The following FOXJ1 variants were observed in gnomAD, a reference collection of about 807,000 sequenced individuals.
FOXJ1 encodes forkhead box J1, also known as forkhead box protein J1.
Under a neutral mutation model 29.3 loss-of-function variants are expected in FOXJ1, and 8 were observed. The ratio of observed to expected loss-of-function variants is 0.27; its 90% CI spans 0.16 to 0.49. FOXJ1 has a LOEUF of 0.49. Among genes scored for constraint, FOXJ1 ranks in the 20% least tolerant of loss-of-function variants. The probability of loss-of-function intolerance (pLI) is 0.98; values close to 1 mark genes in which losing one functional copy is unlikely to be tolerated. For synonymous variants in FOXJ1, 280 were observed against 278.7 expected (o/e 1.00, Z -0.05); for missense variants, 539 against 595.5 (o/e 0.91, Z 0.99).
At chr17:76,138,774 G>T (rs896618068) in intron 2 of FOXJ1, among the ~76,000 whole-genome samples, 1 of 152,186 alleles carries the variant, frequency 6.6e-6, no homozygotes, top group Non-Finnish European at 1.5e-5. Context: ...CAGCTGCACA[G>T]GCTTAGGGTA....
intron 2 of FOXJ1, 70 bp from the exon 3 acceptor site, chr17:76,138,190 C>T (rs960936012): frequency 6.6e-7 from 1 of 1,518,428 alleles, no homozygotes; most frequent in East Asian, 2.3e-5. Flanking sequence ...TGAAATGGCA[C>T]CTGGCGCTGC....
chr17:76,137,487 C>T lies in FOXJ1; in HGVS notation c.1132G>A (p.Ala378Thr), dbSNP rs1412334083. ...DSLDFDETFL[A>T]TSFLQHPWDE... The stretch of plus-strand genomic sequence containing the variant: ...CAGGGGTGCTGCAGGAAGGATGTGG[C>T]CAGGAAGGTCTCATCGAAGTCCAGG... The change falls in exon 3 of 3, where the codon GCC (alanine) becomes ACC (threonine). Residue 378 changes from alanine to threonine, a missense_variant. Physicochemically the swap from Ala to Thr is moderately conservative, Grantham distance 58. Coordinates refer to ENST00000322957, the MANE Select transcript of FOXJ1 (RefSeq NM_001454.4). The surrounding 1 kb of genome is among the most constrained non-coding windows in gnomAD (Gnocchi z 9.5). The T allele has an allele frequency of 6.3e-7, 1 of 1,578,694 alleles. No homozygotes were observed. The highest frequency in any genetic ancestry group is 1.8e-5 in the Admixed American group (1 of 55,054).
rs756231462 is a variant in FOXJ1, at chr17:76,137,911, G to C, written c.708C>G (p.Pro236=). The change falls in exon 3 of 3, where the codon CCC becomes CCG. Residue 236 remains proline (P), a synonymous_variant. Transcript: ENST00000322957. This position sits in a 1 kb window ranked among gnomAD's most constrained non-coding sequence, Gnocchi z 9.5. Reference sequence around the variant, plus strand: ...TATTCACCGTCAGCGGCCCGGCCCGGGGGACAGCGCTGGGCTCCTGCGCGG... The same window carrying C: ...TATTCACCGTCAGCGGCCCGGCCCGCGGGACAGCGCTGGGCTCCTGCGCGG... ...RQAAQEPSAV[P]RAGPLTVNTE... is the part of the protein sequence containing the mutation. 6.4e-7 allele frequency: 1 copy of C among 1,566,130 alleles called. No individual in the cohort carries two copies. The highest frequency in any genetic ancestry group is 1.9e-5 in the Admixed American group (1 of 53,290).
At chr17:76,138,567 A>G (rs2068494969) in intron 2 of FOXJ1, among the ~76,000 whole-genome samples, 1 of 151,472 alleles carries the variant, frequency 6.6e-6, no homozygotes, top group African/African-American at 2.4e-5. Flanking sequence ...GAGAGTGGAG[A>G]GGAAGGGGGA....
intron 2 of FOXJ1, among the ~76,000 whole-genome samples, chr17:76,138,486 C>G (rs567486701): frequency 6.6e-6 from 1 of 152,266 alleles, no homozygotes; most frequent in Admixed American, 6.5e-5. Context: ...CCTGGACCAC[C>G]GTCTCCCTTT....
rs1265490979 is a variant in FOXJ1 at position 76,139,234 on chromosome 17, C to T, written c.498+664G>A. Among the ~76,000 whole-genome samples the T allele has an allele frequency of 6.6e-6, 1 of 152,150 alleles. No individual in the cohort carries two copies. The highest frequency in any genetic ancestry group is 1.5e-5 in the Non-Finnish European group (1 of 68,028). ...GAGCCCCAGTGGAAGGCACCTGGCT[C>T]AGGTAATTGTCCCCCCAGGGAGGTT... On this transcript the variant is annotated intron_variant, in intron 2 of 2. Transcript: ENST00000322957. This position sits in a 1 kb window ranked among gnomAD's most constrained non-coding sequence, Gnocchi z 6.6.
rs1034347920 is a variant in FOXJ1, at chr17:76,139,280, G to C, written c.498+618C>G. Among the ~76,000 whole-genome samples, 1 of 152,034 alleles carries C rather than the reference G, an allele frequency of 6.6e-6. No individual in the cohort carries two copies. Among genetic ancestry groups the C allele is most frequent in the African/African-American group, 2.4e-5 (1 of 41,272 alleles). ...AGGTTGGCTGACAGCGGGGGTTGGAGGCAGGAAACTGAGCAGAGGTTGAGG... is the reference window on the plus strand; with the variant it reads ...AGGTTGGCTGACAGCGGGGGTTGGACGCAGGAAACTGAGCAGAGGTTGAGG... On this transcript the variant is annotated intron_variant, in intron 2 of 2. Coordinates refer to ENST00000322957, the MANE Select transcript of FOXJ1 (RefSeq NM_001454.4). The surrounding 1 kb of genome is among the most constrained non-coding windows in gnomAD (Gnocchi z 6.6).
rs976943264 is a variant in FOXJ1 at position 76,139,434 on chromosome 17, G to A, written c.498+464C>T. Reference sequence around the variant, plus strand: ...TCCCCAAGCCAACTGCAAAAGGGCAGGACGTAGAGCCTGGCAGGGAGGCCA... The same window carrying A: ...TCCCCAAGCCAACTGCAAAAGGGCAAGACGTAGAGCCTGGCAGGGAGGCCA... On this transcript the variant is annotated intron_variant, in intron 2 of 2. Coordinates refer to ENST00000322957, the MANE Select transcript of FOXJ1 (RefSeq NM_001454.4). The surrounding 1 kb of genome is among the most constrained non-coding windows in gnomAD (Gnocchi z 6.6). 6.6e-5 allele frequency among the ~76,000 whole-genome samples: 10 copies of A among 152,232 alleles called. No homozygotes were observed. The highest frequency in any genetic ancestry group is 2.2e-4 in the African/African-American group (9 of 41,456).
rs756449392 is a variant in FOXJ1 at position 76,138,131 on chromosome 17, GGAGAGAGCAAGA to G, written c.499-23_499-12del. On this transcript the variant is annotated splice_polypyrimidine_tract_variant and intron_variant, in intron 2 of 2. Coordinates refer to ENST00000322957, the MANE Select transcript of FOXJ1 (RefSeq NM_001454.4). Reference sequence around the variant, plus strand: ...GTGGCGGATTGAATTCTGGGTGCAGGGAGAGAGCAAGAGAGAGAGGAACCGCTAGGTCAGTGG... The same window carrying G: ...GTGGCGGATTGAATTCTGGGTGCAGGGAGAGAGGAACCGCTAGGTCAGTGG... 3.1e-6 allele frequency: 5 copies of G among 1,613,308 alleles called. No individual in the cohort carries two copies. The highest frequency in any genetic ancestry group is 1.7e-4 in the Middle Eastern group (1 of 6,060).
Position 76,139,180 on chromosome 17 carries a change from C to T in FOXJ1, c.498+718G>A, listed in dbSNP as rs2068499395. ...GCTGCTCAGTGCCTGGTTCCAGAGA[C>T]GTGGAACACGAAGTGAGTGTGGTAG... On this transcript the variant is annotated intron_variant, in intron 2 of 2. Transcript: ENST00000322957. The surrounding 1 kb of genome is among the most constrained non-coding windows in gnomAD (Gnocchi z 6.6). 6.6e-6 allele frequency among the ~76,000 whole-genome samples: 1 copy of T among 152,122 alleles called. No individual in the cohort carries two copies. The highest frequency in any genetic ancestry group is 1.5e-5 in the Non-Finnish European group (1 of 68,018).
Position 76,139,950 on chromosome 17 carries a change from T to C in FOXJ1, c.446A>G (p.Lys149Arg). 1.9e-6 allele frequency: 3 copies of C among 1,612,688 alleles called. No individual in the cohort carries two copies. The highest frequency in any genetic ancestry group is 1.1e-5 in the South Asian group (1 of 90,852). The change falls in exon 2 of 3, where the codon AAG becomes AGG. Residue 149 changes from lysine (K) to arginine (R), a missense_variant. Around this residue, in one of 3 missense-constraint regions of FOXJ1, gnomAD observed 178 missense variants for 254.4 expected, o/e 0.70. Transcript: ENST00000322957. This position sits in a 1 kb window ranked among gnomAD's most constrained non-coding sequence, Gnocchi z 6.6. ...ATKITLSAIY[K>R]WITDNFCYFR... The stretch of plus-strand genomic sequence containing the variant: ...GTAGCAGAAGTTGTCCGTGATCCAC[T>C]TGTAGATGGCCGACAGGGTGATCTT...
chr17:76,136,656 C>T lies in FOXJ1; in HGVS notation c.*697G>A, dbSNP rs542979707. 1 of 152,744 alleles carries T rather than the reference C, an allele frequency of 6.5e-6. No homozygotes were observed. The highest frequency in any genetic ancestry group is 2.1e-4 in the South Asian group (1 of 4,826). The allele number at this position is 152,744 out of a possible 1,614,324, so 9.5% of individuals were successfully genotyped here. ...CAAACCACCAAACCCAAACTTCCAG[C>T]TGCTCTCAGCCTCAAGTCGGGCTTA... On this transcript the variant is annotated 3_prime_UTR_variant, in exon 3 of 3. Coordinates refer to ENST00000322957, the MANE Select transcript of FOXJ1 (RefSeq NM_001454.4). This position sits in a 1 kb window ranked among gnomAD's most constrained non-coding sequence, Gnocchi z 4.9.
rs1324224934 is a variant in FOXJ1 at position 76,137,003 on chromosome 17, A to T, written c.*350T>A. On this transcript the variant is annotated 3_prime_UTR_variant, in exon 3 of 3. Coordinates refer to ENST00000322957, the MANE Select transcript of FOXJ1 (RefSeq NM_001454.4). The surrounding 1 kb of genome is among the most constrained non-coding windows in gnomAD (Gnocchi z 9.5). ...AAGCGGAGGTGCTCTGGGAGGGCCC[A>T]GTTCTGTTCCTCCCCAGCCTGACCC... 4.3e-6 allele frequency: 1 copy of T among 229,956 alleles called. No homozygotes were observed. The highest frequency in any genetic ancestry group is 8.5e-5 in the East Asian group (1 of 11,820). The allele number at this position is 229,956 out of a possible 1,614,324, so 14.2% of individuals were successfully genotyped here. A position where few individuals can be genotyped will look rare whatever the true frequency, so the allele number is the denominator to read the frequency against.
chr17:76,137,901 G>C lies in FOXJ1; in HGVS notation c.718C>G (p.Pro240Ala), dbSNP rs761625845. The change falls in exon 3 of 3, where the codon CCG (proline) becomes GCG (alanine). Residue 240 changes from proline (P) to alanine (A), a missense_variant. Pro to Ala is a conservative substitution (Grantham distance 27). Transcript: ENST00000322957. This position sits in a 1 kb window ranked among gnomAD's most constrained non-coding sequence, Gnocchi z 9.5. ...TGGGCCTCGGTATTCACCGTCAGCG[G>C]CCCGGCCCGGGGGACAGCGCTGGGC... ...QEPSAVPRAG[P>A]LTVNTEAQQL... 1.3e-6 allele frequency: 2 copies of C among 1,565,974 alleles called. No homozygotes were observed. The highest frequency in any genetic ancestry group is 3.7e-5 in the Admixed American group (2 of 53,774).
Position 76,140,039 on chromosome 17 carries a change from G to A in FOXJ1, c.357C>T (p.His119=), listed in dbSNP as rs570736460. 6.2e-7 allele frequency: 1 copy of A among 1,611,640 alleles called. No homozygotes were observed. The highest frequency in any genetic ancestry group is 8.5e-7 in the Non-Finnish European group (1 of 1,179,946). ...PDDVDYATNP[H]VKPPYSYATL... ...TGGCATACGAGTAGGGAGGCTTCACGTGCGGATTGGTGGCGTAGTCCACGT... is the reference window on the plus strand; with the variant it reads ...TGGCATACGAGTAGGGAGGCTTCACATGCGGATTGGTGGCGTAGTCCACGT... Residue 119 remains histidine, a synonymous_variant, in exon 2 of 3, where the codon CAC becomes CAT. Coordinates refer to ENST00000322957, the MANE Select transcript of FOXJ1 (RefSeq NM_001454.4). The surrounding 1 kb of genome is among the most constrained non-coding windows in gnomAD (Gnocchi z 8.0).
chr17:76,140,070 G>A lies in FOXJ1; in HGVS notation c.326C>T (p.Pro109Leu), dbSNP rs745334236. 1.2e-6 allele frequency: 2 copies of A among 1,607,440 alleles called. No individual in the cohort carries two copies. Among genetic ancestry groups the A allele is most frequent in the East Asian group, 2.2e-5 (1 of 44,838 alleles). ...SAPPGLQAPP[P>L]DDVDYATNPH... ...ATTGGTGGCGTAGTCCACGTCGTCGGGGGGTGGGGCCTGCAGCCCCGGGGG... is the reference window on the plus strand; with the variant it reads ...ATTGGTGGCGTAGTCCACGTCGTCGAGGGGTGGGGCCTGCAGCCCCGGGGG... The change falls in exon 2 of 3, where the codon CCC becomes CTC. Residue 109 changes from proline (P) to leucine (L), a missense_variant. Physicochemically the swap from Pro to Leu is moderately conservative, Grantham distance 98 (BLOSUM62 -3). This residue lies in a region of FOXJ1 where 178 missense variants were observed against 254.4 expected (regional missense o/e 0.70). Coordinates refer to ENST00000322957, the MANE Select transcript of FOXJ1 (RefSeq NM_001454.4). The surrounding 1 kb of genome is among the most constrained non-coding windows in gnomAD (Gnocchi z 8.0).
Position 76,137,717 on chromosome 17 carries a change from T to C in FOXJ1, c.902A>G (p.Glu301Gly). 2 of 1,612,042 alleles carry C rather than the reference T, an allele frequency of 1.2e-6. No homozygotes were observed. Among genetic ancestry groups the C allele is most frequent in the African/African-American group, 2.7e-5 (2 of 75,016 alleles). The change falls in exon 3 of 3, where the codon GAG becomes GGG. Residue 301 changes from glutamate to glycine, a missense_variant. Physicochemically the swap from Glu to Gly is moderately conservative, Grantham distance 98. This residue lies in a region of FOXJ1 where 302 missense variants were observed against 293.6 expected (regional missense o/e 1.03). Coordinates refer to ENST00000322957, the MANE Select transcript of FOXJ1 (RefSeq NM_001454.4). The surrounding 1 kb of genome is among the most constrained non-coding windows in gnomAD (Gnocchi z 9.5). The part of the protein sequence containing the change: ...TLLPTPEEQG[E>G]LEPLKGNFDW... ...AAAGTTGCCTTTGAGGGGTTCCAGC[T>C]CACCCTGCTCCTCCGGGGTGGGCAG...
In FOXJ1 at chr17:76,137,778, G is replaced by A. The variant is rs768830919; in HGVS notation, c.841C>T (p.Arg281Trp). ...GGGGGCCGCGGGACCTTGGCCACCC[G>A]CTTGGGCAGCGGCTGTTTGCGCTTA... ...GHKRKQPLPK[R>W]VAKVPRPPST... Residue 281 changes from arginine to tryptophan, a missense_variant, in exon 3 of 3, where the codon CGG becomes TGG. This residue lies in a region of FOXJ1 where 302 missense variants were observed against 293.6 expected (regional missense o/e 1.03). Transcript: ENST00000322957. This position sits in a 1 kb window ranked among gnomAD's most constrained non-coding sequence, Gnocchi z 9.5. 2.3e-5 allele frequency: 37 copies of A among 1,608,504 alleles called. No individual in the cohort carries two copies. Among genetic ancestry groups the A allele is most frequent in the East Asian group, 4.5e-5 (2 of 44,768 alleles).
chr17:76,136,427 G>A lies in FOXJ1; in HGVS notation c.*926C>T, dbSNP rs1017834465. On this transcript the variant is annotated 3_prime_UTR_variant, in exon 3 of 3. Transcript: ENST00000322957. The surrounding 1 kb of genome is among the most constrained non-coding windows in gnomAD (Gnocchi z 4.9). ...TGCCCCACGGGGCAGGAGGGTGGAT[G>A]TGGGACGCAGCCCAGGGAGTCCGGG... The A allele has an allele frequency of 6.6e-6, 1 of 152,144 alleles. No homozygotes were observed. The highest frequency in any genetic ancestry group is 1.5e-5 in the Non-Finnish European group (1 of 68,032). The allele number at this position is 152,144 out of a possible 1,614,324, so 9.4% of individuals were successfully genotyped here. A position where few individuals can be genotyped will look rare whatever the true frequency, so the allele number is the denominator to read the frequency against.
Sources: allele counts gnomAD v4.1 joint callset (sites outside exome capture counted in the v4.1 genomes callset), GRCh38; gene constraint gnomAD v4.1.1; regional missense constraint gnomAD v4.1.1; non-coding constraint Gnocchi (gnomAD v3.1); transcripts MANE v1.5; gene names NCBI Gene and HGNC (gene_info 2026-07-23, HGNC 2026-07-21).